PIK3CB: variants seen among roughly 807,000 people sequenced by gnomAD.
PIK3CB encodes phosphatidylinositol 4,5-bisphosphate 3-kinase catalytic subunit beta isoform.
In PIK3CB, 39 loss-of-function variants were observed where a neutral mutation model predicts 136.8. The ratio of observed to expected loss-of-function variants is 0.29; its 90% CI spans 0.22 to 0.37. PIK3CB has a LOEUF of 0.37. Among genes scored for constraint, PIK3CB ranks in the 10% least tolerant of loss-of-function variants. The pLI, the probability that PIK3CB is intolerant of heterozygous loss-of-function variation, is 1.00. For missense variants in PIK3CB, 868 were observed against 1,275.4 expected (o/e 0.68, Z 4.87); for synonymous variants, 428 against 436.6 (o/e 0.98, Z 0.25).
rs776486954 is a variant in PIK3CB at position 138,656,294 on chromosome 3, C to A, written c.2943-20G>T. On this transcript the variant is annotated intron_variant, in intron 22 of 23. Coordinates refer to ENST00000674063, the MANE Select transcript of PIK3CB (RefSeq NM_006219.3). ...CGGAACCTTTGGGTGATGCAGCAAA[C>A]CACATGAGCACAGTGTTAGAGGGGA... 7 of 1,613,740 alleles carry A rather than the reference C, an allele frequency of 4.3e-6. No homozygotes were observed. In the African/African-American group the frequency reaches 5.3e-5, roughly 12 times the overall value.
Position 138,707,158 on chromosome 3 carries a change from C to T in PIK3CB, c.1530+1G>A. On this transcript the variant is annotated splice_donor_variant, in intron 11 of 23. Coordinates refer to ENST00000674063, the MANE Select transcript of PIK3CB (RefSeq NM_006219.3). LOFTEE classifies it high-confidence loss of function. The stretch of plus-strand genomic sequence containing the variant: ...AGAGGTCCTTTAAATAATTAGCTTA[C>T]CTTATCGAAGGGAGGGTAATAATAA... The T allele has an allele frequency of 2.6e-6, 4 of 1,534,748 alleles. No homozygotes were observed. The highest frequency in any genetic ancestry group is 1.4e-5 in the African/African-American group (1 of 73,324).
intron 1 of PIK3CB, among the ~76,000 whole-genome samples, chr3:138,833,021 CA>C (rs1934109328): frequency 6.6e-6 from 1 of 150,734 alleles, no homozygotes; most frequent in Non-Finnish European, 1.5e-5. Context: ...CAAAAAACAA[CA>C]ATAATTTTTT....
At chr3:138,679,737 C>T (rs1176335979) in intron 19 of PIK3CB, among the ~76,000 whole-genome samples, 1 of 144,210 alleles carries the variant, frequency 6.9e-6, no homozygotes, top group Non-Finnish European at 1.5e-5. Flanking sequence ...CACATGCCAA[C>T]ATGCCTGGCT....
chr3:138,718,797 G>A (rs920774263), intron 8 of PIK3CB, among the ~76,000 whole-genome samples: 6 of 152,136 alleles, frequency 3.9e-5, no homozygotes, highest in African/African-American at 1.4e-4. Context: ...TTATTGAATA[G>A]GGAGTCTTTT....
At chr3:138,710,023 C>CAAAAAA (rs34985570) in intron 10 of PIK3CB, among the ~76,000 whole-genome samples, 3 of 91,950 alleles carry the variant, frequency 3.3e-5, no homozygotes, top group African/African-American at 7.9e-5. Context: ...ACAAAAAATA[C>CAAAAAA]AAAAAAAAAA....
chr3:138,791,818 T>C (rs13086743), intron 2 of PIK3CB, among the ~76,000 whole-genome samples: 1 of 152,088 alleles, frequency 6.6e-6, no homozygotes. Flanking sequence ...ATCAGAGAGG[T>C]CTTCCCTAAC....
chr3:138,698,846 T>C (rs1559823528), intron 13 of PIK3CB, 61 bp downstream of exon 13: 3 of 976,878 alleles, frequency 3.1e-6, no homozygotes, highest in Admixed American at 2.2e-5. Context: ...AAGGATACTT[T>C]ATGTGAATCC....
At chr3:138,748,168 C>T (rs2045400125) in intron 4 of PIK3CB, among the ~76,000 whole-genome samples, 1 of 139,898 alleles carries the variant, frequency 7.1e-6, no homozygotes, top group Admixed American at 6.9e-5. Context: ...CACACACACA[C>T]ACACACACAC....
intron 2 of PIK3CB, among the ~76,000 whole-genome samples, chr3:138,768,668 G>A (rs1487142770): frequency 6.6e-6 from 1 of 152,176 alleles, no homozygotes; most frequent in Non-Finnish European, 1.5e-5. Flanking sequence ...CTACAGGTCA[G>A]CGCCAAGCTG....
chr3:138,788,419 G>A (rs898751045), intron 2 of PIK3CB, among the ~76,000 whole-genome samples: 1 of 151,572 alleles, frequency 6.6e-6, no homozygotes, highest in African/African-American at 2.4e-5. Context: ...CACTTTGGAA[G>A]ACCGAGGCGG....
At chr3:138,815,560 T>C (rs72972920) in intron 1 of PIK3CB, among the ~76,000 whole-genome samples, 5,791 of 151,756 alleles carry the variant, frequency 0.038, 380 homozygotes, top group African/African-American at 0.13. Context: ...AATAAAGCAG[T>C]TCTACACCTA....
intron 1 of PIK3CB, among the ~76,000 whole-genome samples, chr3:138,808,719 T>C (rs992023395): frequency 1.1e-4 from 17 of 151,766 alleles, no homozygotes; most frequent in African/African-American, 4.1e-4. Flanking sequence ...CTAGGCCCTC[T>C]CTCTCTCTCT....
At chr3:138,712,159 C>A in intron 10 of PIK3CB, 49 bp downstream of exon 10, 2 of 880,132 alleles carry the variant, frequency 2.3e-6, no homozygotes, top group East Asian at 2.7e-5. Context: ...AGTCCACATG[C>A]CAAAAGTTAG....
At chr3:138,690,599 T>C (rs1368500631) in intron 15 of PIK3CB, among the ~76,000 whole-genome samples, 1 of 151,920 alleles carries the variant, frequency 6.6e-6, no homozygotes, top group African/African-American at 2.4e-5. Flanking sequence ...CACCCACAAC[T>C]TTCTAGATGA....
intron 4 of PIK3CB, among the ~76,000 whole-genome samples, chr3:138,746,633 C>T (rs998143491): frequency 1.3e-5 from 2 of 151,816 alleles, no homozygotes; most frequent in African/African-American, 4.8e-5. Flanking sequence ...TGCACTCCAG[C>T]CTGGGTGACA....
chr3:138,714,852 A>AAGGAACATACTGGAAGG, intron 8 of PIK3CB, 133 bp from the exon 9 acceptor site: 1 of 806,766 alleles, frequency 1.2e-6, no homozygotes. Flanking sequence ...ATACTGGAAG[A>AAGGAACATACTGGAAGG]AGAAACATGC....
chr3:138,742,486 A>G, intron 5 of PIK3CB, 72 bp downstream of exon 5: 1 of 718,754 alleles, frequency 1.4e-6, no homozygotes, highest in Non-Finnish European at 2.4e-6. Flanking sequence ...AGACACTTCT[A>G]AAAATGCAGT....
Position 138,654,216 on chromosome 3 carries a change from G to T in PIK3CB, c.*1173C>A. On this transcript the variant is annotated 3_prime_UTR_variant, in exon 24 of 24. Coordinates refer to ENST00000674063, the MANE Select transcript of PIK3CB (RefSeq NM_006219.3). ...AGAATAAGCAGTAGTTTTGCTGGATGTTGCCAGGACTCAGAGAGATCACCC... is the reference window on the plus strand; with the variant it reads ...AGAATAAGCAGTAGTTTTGCTGGATTTTGCCAGGACTCAGAGAGATCACCC... 4.7e-6 allele frequency: 1 copy of T among 213,400 alleles called. No homozygotes were observed. The highest frequency in any genetic ancestry group is 9.5e-6 in the Non-Finnish European group (1 of 105,736). The allele number at this position is 213,400 out of a possible 1,614,324, so 13.2% of individuals were successfully genotyped here.
At chr3:138,830,918 TAATAA>T (rs1934001698) in intron 1 of PIK3CB, among the ~76,000 whole-genome samples, 1 of 142,390 alleles carries the variant, frequency 7.0e-6, no homozygotes, top group Non-Finnish European at 1.5e-5. Flanking sequence ...ATAATAATAA[TAATAA>T]TAATAATAAT....
Sources: allele counts gnomAD v4.1 joint callset (sites outside exome capture counted in the v4.1 genomes callset), GRCh38; gene constraint gnomAD v4.1.1; transcripts MANE v1.5; gene names NCBI Gene and HGNC (gene_info 2026-07-23, HGNC 2026-07-21).